Variants in ZNF736 observed in about 807,000 individuals in gnomAD.
The protein encoded by ZNF736 is KRAB-containing zinc-finger repressor protein.
ZNF736 carries 6 observed loss-of-function variants against 11.7 expected under a neutral mutation model. The observed-to-expected ratio is 0.51, with a 90% CI of 0.28 to 1.01. The LOEUF (loss-of-function observed/expected upper bound fraction) is 1.01, where lower values mean the gene tolerates loss of function less well. Among genes scored for constraint, ZNF736 ranks in the 50% least tolerant of loss-of-function variants. The probability of loss-of-function intolerance (pLI) is 0.09; values close to 1 mark genes in which losing one functional copy is unlikely to be tolerated. For synonymous variants in ZNF736, 139 were observed against 164.7 expected (o/e 0.84, Z 1.19); for missense variants, 444 against 496.0 (o/e 0.90, Z 1.00).
In ZNF736 at chr7:64,355,247, C is replaced by A; in HGVS notation, c.*6100C>A. ...GCTGACACAGGTTAAGAGTATGCAC[C>A]ACAGGTATCGAAACCTAAAATGCCC... On this transcript the variant is annotated 3_prime_UTR_variant, in exon 4 of 4. Transcript: ENST00000423484. 5.8e-6 allele frequency: 1 copy of A among 172,986 alleles called. No homozygotes were observed. The highest frequency in any genetic ancestry group is 1.7e-4 in the South Asian group (1 of 5,880). 10.7% of individuals were successfully genotyped at this position (172,986 alleles called of 1,614,324 possible).
At position 64,348,560 on chromosome 7, in the gene ZNF736, G is replaced by T; in HGVS notation, c.697G>T (p.Gly233Ter). The T allele has an allele frequency of 6.3e-7, 1 of 1,588,194 alleles. No homozygotes were observed. The highest frequency in any genetic ancestry group is 8.6e-7 in the Non-Finnish European group (1 of 1,167,166). The change falls in exon 4 of 4, where the codon GGA becomes TGA. Residue 233 changes from glycine (G) to a stop codon, truncating the protein, a stop_gained. Transcript: ENST00000423484. LOFTEE classifies it low-confidence loss of function (END_TRUNC). The part of the protein sequence containing the change: ...HTGEKPYKCE[G>*]CGKTFTCSST... ...TGGAGAGAAACCTTACAAATGTGAA[G>T]GATGTGGCAAAACTTTTACCTGCTC...
intron 2 of ZNF736, 82 bp from the exon 3 acceptor site, chr7:64,336,805 C>T (rs1584272590): frequency 1.8e-6 from 2 of 1,100,354 alleles, no homozygotes; most frequent in Admixed American, 2.2e-5. Flanking sequence ...CTATAATGTT[C>T]TCTCTTCTCT....
chr7:64,348,806 T>A lies in ZNF736; in HGVS notation c.943T>A (p.Cys315Ser), dbSNP rs777783639. Reference protein sequence around the residue: ...IIHTGDKPYTCNECGKAFKWF... With the variant: ...IIHTGDKPYTSNECGKAFKWF... Reference sequence around the variant, plus strand: ...TCATACTGGAGACAAACCCTACACATGTAATGAATGTGGAAAAGCTTTTAA... The same window carrying A: ...TCATACTGGAGACAAACCCTACACAAGTAATGAATGTGGAAAAGCTTTTAA... Residue 315 changes from cysteine to serine, a missense_variant, in exon 4 of 4, where the codon TGT becomes AGT. Cys to Ser is a moderately radical substitution (Grantham distance 112, BLOSUM62 -1). Transcript: ENST00000423484. 2.8e-5 allele frequency: 45 copies of A among 1,586,628 alleles called. No homozygotes were observed. The highest frequency in any genetic ancestry group is 6.9e-6 in the Non-Finnish European group (8 of 1,166,368).
chr7:64,336,532 T>TA lies in ZNF736; in HGVS notation c.130+149dup, dbSNP rs1789254187. 5.9e-6 allele frequency: 5 copies of TA among 853,518 alleles called. No homozygotes were observed. The South Asian group carries it at 1.2e-4, about 20-fold the overall frequency. The allele number at this position is 853,518 out of a possible 1,614,324, so 52.9% of individuals were successfully genotyped here. The stretch of plus-strand genomic sequence containing the variant: ...TGGGTATCTGTTGAGGTAGAAAATA[T>TA]AATCTTCAAGATGTTTCATCTTAAC... On this transcript the variant is annotated intron_variant, in intron 2 of 3. Coordinates refer to ENST00000423484, the MANE Select transcript of ZNF736 (RefSeq NM_001170905.3).
intron 1 of ZNF736, among the ~76,000 whole-genome samples, chr7:64,334,760 A>C (rs528930699): frequency 6.6e-6 from 1 of 152,308 alleles, no homozygotes; most frequent in East Asian, 1.9e-4. Flanking sequence ...CAGAAATACC[A>C]TTTGACCCAG....
Position 64,313,984 on chromosome 7 carries a change from C to G in ZNF736, c.-167C>G, listed in dbSNP as rs936204942. On this transcript the variant is annotated 5_prime_UTR_variant, in exon 1 of 4. Transcript: ENST00000423484. The stretch of plus-strand genomic sequence containing the variant: ...AGGCGGCCTCTTCAATATGGCGGGG[C>G]CTTTGTCTCCTAGCTTCCGGGCTCT... The G allele has an allele frequency of 2.2e-5, 19 of 863,724 alleles. No homozygotes were observed. Among genetic ancestry groups the G allele is most frequent in the South Asian group, 3.2e-5 (2 of 61,868 alleles). 53.5% of individuals were successfully genotyped at this position (863,724 alleles called of 1,614,324 possible). A position where few individuals can be genotyped will look rare whatever the true frequency, so the allele number is the denominator to read the frequency against.
At chr7:64,324,219 C>G (rs1017566045) in intron 1 of ZNF736, among the ~76,000 whole-genome samples, 3 of 152,068 alleles carry the variant, frequency 2.0e-5, no homozygotes, top group Non-Finnish European at 4.4e-5. Flanking sequence ...CTGGGTTACT[C>G]AAAAGAAAAT....
At chr7:64,328,102 CCTT>C (rs1789106826) in intron 1 of ZNF736, among the ~76,000 whole-genome samples, 1 of 129,308 alleles carries the variant, frequency 7.7e-6, no homozygotes, top group Non-Finnish European at 1.7e-5. Context: ...GTCTTTGTGT[CCTT>C]CATATTACCA....
chr7:64,348,034 T>C, intron 3 of ZNF736, 56 bp from the exon 4 acceptor site: 1 of 1,288,766 alleles, frequency 7.8e-7, no homozygotes, highest in Admixed American at 2.9e-5. Context: ...AATTATATAT[T>C]TGTGAAGTAT....
chr7:64,341,179 A>T (rs1312256855), intron 3 of ZNF736, among the ~76,000 whole-genome samples: 1 of 152,018 alleles, frequency 6.6e-6, no homozygotes, highest in Admixed American at 6.6e-5. Flanking sequence ...TTCTTTTTTT[A>T]AAATCTTTGT....
At chr7:64,343,291 T>C (rs544573648) in intron 3 of ZNF736, among the ~76,000 whole-genome samples, 1 of 152,200 alleles carries the variant, frequency 6.6e-6, no homozygotes, top group East Asian at 1.9e-4. Flanking sequence ...TTATCTTAAG[T>C]AAATTAATGG....
intron 1 of ZNF736, among the ~76,000 whole-genome samples, chr7:64,323,563 A>T (rs537045424): frequency 3.3e-5 from 5 of 152,340 alleles, no homozygotes; most frequent in African/African-American, 1.2e-4. Context: ...AGGCATAAGA[A>T]GGAAAAAGAT....
At chr7:64,326,437 A>T (rs1046528031) in intron 1 of ZNF736, among the ~76,000 whole-genome samples, 31 of 152,252 alleles carry the variant, frequency 2.0e-4, no homozygotes, top group African/African-American at 6.8e-4. Flanking sequence ...CCTGAAAGTA[A>T]TTCAAACACC....
In ZNF736 at chr7:64,349,322, T is replaced by A; in HGVS notation, c.*175T>A. The stretch of plus-strand genomic sequence containing the variant: ...ATATGTTGGGTACATATATAGCCCT[T>A]TGCTATTATGTAATGCCCTTTTTTT... On this transcript the variant is annotated 3_prime_UTR_variant, in exon 4 of 4. Coordinates refer to ENST00000423484, the MANE Select transcript of ZNF736 (RefSeq NM_001170905.3). 1 of 502,998 alleles carries A rather than the reference T, an allele frequency of 2.0e-6. No homozygotes were observed. The highest frequency in any genetic ancestry group is 3.3e-6 in the Non-Finnish European group (1 of 300,862). The allele number at this position is 502,998 out of a possible 1,614,324, so 31.2% of individuals were successfully genotyped here. A position where few individuals can be genotyped will look rare whatever the true frequency, so the allele number is the denominator to read the frequency against.
chr7:64,314,263 A>G, intron 1 of ZNF736, 110 bp downstream of exon 1: 8 of 1,377,550 alleles, frequency 5.8e-6, no homozygotes, highest in Non-Finnish European at 7.9e-6. Context: ...TGGAGTCTGC[A>G]TCCCCGAGTC....
intron 1 of ZNF736, among the ~76,000 whole-genome samples, chr7:64,332,466 C>A (rs1208539169): frequency 6.6e-6 from 1 of 152,132 alleles, no homozygotes; most frequent in Non-Finnish European, 1.5e-5. Flanking sequence ...GAACGAAGAT[C>A]ACATGCTTCT....
At chr7:64,317,526 A>T (rs1332260919) in intron 1 of ZNF736, among the ~76,000 whole-genome samples, 1 of 152,216 alleles carries the variant, frequency 6.6e-6, no homozygotes, top group Non-Finnish European at 1.5e-5. Context: ...AGCAGTGACC[A>T]GATATTTTAA....
intron 1 of ZNF736, among the ~76,000 whole-genome samples, chr7:64,321,980 G>A (rs1214335253): frequency 1.3e-5 from 2 of 152,146 alleles, no homozygotes; most frequent in East Asian, 1.9e-4. Context: ...AGGAATTCTC[G>A]TTAGTTTGCA....
In ZNF736 at chr7:64,350,161, T is replaced by C. The variant is rs893222277; in HGVS notation, c.*1014T>C. 6.6e-6 allele frequency: 1 copy of C among 152,176 alleles called. No homozygotes were observed. Among genetic ancestry groups the C allele is most frequent in the Non-Finnish European group, 1.5e-5 (1 of 68,034 alleles). 9.4% of individuals were successfully genotyped at this position (152,176 alleles called of 1,614,324 possible). ...TCCTGAAATACGTATTTCAAGTTGT[T>C]TTCATTCTCCCCATCACTTTCAGGC... On this transcript the variant is annotated 3_prime_UTR_variant, in exon 4 of 4. Coordinates refer to ENST00000423484, the MANE Select transcript of ZNF736 (RefSeq NM_001170905.3).
Sources: allele counts gnomAD v4.1 joint callset (sites outside exome capture counted in the v4.1 genomes callset), GRCh38; gene constraint gnomAD v4.1.1; transcripts MANE v1.5; gene names NCBI Gene and HGNC (gene_info 2026-07-23, HGNC 2026-07-21).